Variants in PDE4B observed in about 807,000 individuals in gnomAD.
PDE4B encodes the protein phosphodiesterase 4B, also known as 3',5'-cyclic-AMP phosphodiesterase 4B.
PDE4B carries 20 observed loss-of-function variants against 82.2 expected under a neutral mutation model. That is an observed-to-expected ratio of 0.24 (90% CI 0.17 to 0.35). The LOEUF is 0.35. PDE4B is among the 10% of genes least tolerant of loss of function. The pLI is 1.00. For missense variants in PDE4B, 655 were observed against 907.2 expected (o/e 0.72, Z 3.57); for synonymous variants, 320 against 318.9 (o/e 1.00, Z -0.04).
At chr1:66,304,653 T>A (rs907005826) in intron 7 of PDE4B, among the ~76,000 whole-genome samples, 3 of 152,154 alleles carry the variant, frequency 2.0e-5, no homozygotes, top group African/African-American at 7.2e-5. Context: ...ATCAGAATCA[T>A]CTGGGAAGCC....
intron 3 of PDE4B, among the ~76,000 whole-genome samples, chr1:66,235,113 C>T (rs1052924556): frequency 1.3e-5 from 2 of 152,124 alleles, no homozygotes; most frequent in African/African-American, 4.8e-5. Context: ...GATCAGAAGA[C>T]AAACTTTGTA....
intron 3 of PDE4B, among the ~76,000 whole-genome samples, chr1:66,213,826 C>T (rs1392852913): frequency 2.0e-5 from 3 of 151,832 alleles, no homozygotes; most frequent in African/African-American, 7.2e-5. Flanking sequence ...CATCACATTG[C>T]CCCTGAATGA....
chr1:66,043,961 A>G (rs1044456997), intron 3 of PDE4B, among the ~76,000 whole-genome samples: 4 of 151,838 alleles, frequency 2.6e-5, no homozygotes, highest in African/African-American at 9.7e-5. Context: ...TAAAACAAAC[A>G]AAAAATTTAT....
intron 3 of PDE4B, among the ~76,000 whole-genome samples, chr1:66,202,010 T>C (rs1344083428): frequency 2.0e-5 from 3 of 152,362 alleles, no homozygotes; most frequent in African/African-American, 7.2e-5. Context: ...CTCTACACAC[T>C]GCTTTGAATG....
chr1:66,317,251 C>T (rs564162203), intron 7 of PDE4B, among the ~76,000 whole-genome samples: 2 of 152,294 alleles, frequency 1.3e-5, no homozygotes, highest in South Asian at 2.1e-4. Context: ...GGGGTTCTTA[C>T]TGAATCATCC....
At chr1:66,008,182 T>C (rs371570665) in intron 3 of PDE4B, among the ~76,000 whole-genome samples, 1 of 152,178 alleles carries the variant, frequency 6.6e-6, no homozygotes, top group Non-Finnish European at 1.5e-5. Context: ...AATTAATTTC[T>C]ACTTACAGAA....
chr1:66,366,542 G>A (rs973473837), intron 13 of PDE4B, among the ~76,000 whole-genome samples: 2 of 152,138 alleles, frequency 1.3e-5, no homozygotes, highest in Admixed American at 1.3e-4. Context: ...TGCTTTTTGA[G>A]CTACTTGCTG....
chr1:65,874,866 T>C (rs1346701945), intron 1 of PDE4B, among the ~76,000 whole-genome samples: 1 of 152,002 alleles, frequency 6.6e-6, no homozygotes, highest in Non-Finnish European at 1.5e-5. Context: ...TAGGCTAATA[T>C]TACCATTCAG....
intron 1 of PDE4B, among the ~76,000 whole-genome samples, chr1:65,898,879 TAA>T (rs1294245361): frequency 6.6e-6 from 1 of 151,336 alleles, no homozygotes; most frequent in Non-Finnish European, 1.5e-5. Flanking sequence ...GATAACATTG[TAA>T]AAACCCTTCT....
intron 1 of PDE4B, among the ~76,000 whole-genome samples, chr1:65,908,413 C>A (rs1192771282): frequency 6.6e-6 from 1 of 152,144 alleles, no homozygotes; most frequent in Non-Finnish European, 1.5e-5. Flanking sequence ...GACAGTATCT[C>A]TTCTCTCCAT....
chr1:66,330,246 C>A (rs541855976), intron 7 of PDE4B, among the ~76,000 whole-genome samples: 6 of 152,308 alleles, frequency 3.9e-5, no homozygotes, highest in Admixed American at 1.3e-4. Flanking sequence ...GACAATGGAG[C>A]AAGGTCTCTT....
Position 66,135,699 on chromosome 1 carries a change from A to C in PDE4B, c.282-111761A>C, listed in dbSNP as rs561379730. Among the ~76,000 whole-genome samples, 8 of 152,324 alleles carry C rather than the reference A, an allele frequency of 5.3e-5. No individual in the cohort carries two copies. In the South Asian group the frequency reaches 1.7e-3, roughly 32 times the overall value. On this transcript the variant is annotated intron_variant, in intron 3 of 16. Coordinates refer to ENST00000341517, the MANE Select transcript of PDE4B (RefSeq NM_002600.4). ...ATTATGAACATGAACCTCAGAGAAG[A>C]GATCTGGGCCAATAATATAGATGTA...
At chr1:65,930,910 C>T (rs1228271614) in intron 3 of PDE4B, among the ~76,000 whole-genome samples, 1 of 151,918 alleles carries the variant, frequency 6.6e-6, no homozygotes, top group African/African-American at 2.4e-5. Flanking sequence ...TTGGGAGGGC[C>T]CAGGGGCAGA....
chr1:66,295,443 GT>G (rs766016162), intron 7 of PDE4B, among the ~76,000 whole-genome samples: 1 of 151,618 alleles, frequency 6.6e-6, no homozygotes, highest in African/African-American at 2.4e-5. Flanking sequence ...GTTTTGTTTT[GT>G]TTTTTGTTTT....
At chr1:66,149,266 AT>A (rs757685234) in intron 3 of PDE4B, among the ~76,000 whole-genome samples, 4 of 151,722 alleles carry the variant, frequency 2.6e-5, no homozygotes, top group Non-Finnish European at 4.4e-5. Flanking sequence ...ATCTGTTTAT[AT>A]TTTTTTTGAG....
intron 3 of PDE4B, among the ~76,000 whole-genome samples, chr1:66,219,415 A>T (rs1039711746): frequency 6.6e-6 from 1 of 152,202 alleles, no homozygotes; most frequent in Non-Finnish European, 1.5e-5. Context: ...ATCACCTTGC[A>T]CATTACAGCA....
At chr1:65,877,619 AT>A (rs1646661177) in intron 1 of PDE4B, among the ~76,000 whole-genome samples, 1 of 106,076 alleles carries the variant, frequency 9.4e-6, no homozygotes, top group African/African-American at 4.3e-5. Flanking sequence ...TGTCTAAAAA[AT>A]AAATAAATAA....
At chr1:66,296,504 T>C (rs1271315837) in intron 7 of PDE4B, among the ~76,000 whole-genome samples, 1 of 152,214 alleles carries the variant, frequency 6.6e-6, no homozygotes, top group Non-Finnish European at 1.5e-5. Context: ...GAACTGGATT[T>C]GACTTCTGGC....
chr1:65,870,459 A>G (rs2100293014), intron 1 of PDE4B, among the ~76,000 whole-genome samples: 1 of 152,294 alleles, frequency 6.6e-6, no homozygotes, highest in South Asian at 2.1e-4. Context: ...AAGGCCAAAA[A>G]TTACTTTCTG....
Sources: allele counts gnomAD v4.1 joint callset (sites outside exome capture counted in the v4.1 genomes callset), GRCh38; gene constraint gnomAD v4.1.1; transcripts MANE v1.5; gene names NCBI Gene and HGNC (gene_info 2026-07-23, HGNC 2026-07-21).